Variants in CACNA2D3 observed in about 807,000 individuals in gnomAD.
The protein encoded by CACNA2D3 is voltage-dependent calcium channel subunit alpha-2/delta-3.
A neutral mutation model predicts 160.6 loss-of-function variants in CACNA2D3; 60 were observed. The observed-to-expected ratio is 0.37, with a 90% CI of 0.30 to 0.46. The LOEUF is 0.46. CACNA2D3 is among the 20% of genes least tolerant of loss of function. The pLI is 1.00. For synonymous variants in CACNA2D3, 558 were observed against 492.9 expected (o/e 1.13, Z -1.75); for missense variants, 1,205 against 1,365.0 (o/e 0.88, Z 1.85).
At chr3:54,349,714 C>G in intron 3 of CACNA2D3, among the ~76,000 whole-genome samples, 1 of 152,198 alleles carries the variant, frequency 6.6e-6, no homozygotes, top group East Asian at 1.9e-4. Context: ...GCATCCATCA[C>G]GTCTTCCCAT....
At chr3:54,976,056 TACACACACACACACAC>T (rs3841944) in intron 29 of CACNA2D3, among the ~76,000 whole-genome samples, 32,326 of 144,992 alleles carry the variant, frequency 0.22, 4,336 homozygotes, top group East Asian at 0.42. Context: ...TAGATATAGA[TACACACACACACACAC>T]ACACACACAC....
At chr3:54,370,041 G>T (rs756795023) in intron 3 of CACNA2D3, among the ~76,000 whole-genome samples, 1 of 152,118 alleles carries the variant, frequency 6.6e-6, no homozygotes, top group Admixed American at 6.5e-5. Flanking sequence ...GTATCTTCAC[G>T]TAGCATATGA....
intron 9 of CACNA2D3, among the ~76,000 whole-genome samples, chr3:54,596,906 G>T (rs1702965454): frequency 6.6e-6 from 1 of 151,934 alleles, no homozygotes; most frequent in Non-Finnish European, 1.5e-5. Flanking sequence ...CTAACAAGGG[G>T]CTCAGTGGCC....
chr3:54,302,575 G>T (rs564467976), intron 2 of CACNA2D3, among the ~76,000 whole-genome samples: 1 of 152,084 alleles, frequency 6.6e-6, no homozygotes, highest in Non-Finnish European at 1.5e-5. Flanking sequence ...GCAGCTGAGC[G>T]TGCACTCTTT....
chr3:54,600,751 G>A (rs912566277), intron 9 of CACNA2D3, among the ~76,000 whole-genome samples: 6 of 152,088 alleles, frequency 3.9e-5, no homozygotes, highest in East Asian at 1.9e-4. Context: ...AGCCTCCTGC[G>A]CTCTGGCTTC....
intron 13 of CACNA2D3, among the ~76,000 whole-genome samples, chr3:54,776,113 G>A (rs1227253580): frequency 6.6e-6 from 1 of 152,174 alleles, no homozygotes; most frequent in Non-Finnish European, 1.5e-5. Flanking sequence ...ACTCACTCTA[G>A]CCCATGGTTC....
intron 5 of CACNA2D3, among the ~76,000 whole-genome samples, chr3:54,527,129 C>A (rs1303994923): frequency 6.6e-6 from 1 of 152,210 alleles, no homozygotes; most frequent in Non-Finnish European, 1.5e-5. Flanking sequence ...TGAGATATGT[C>A]CTCCTCCCAG....
chr3:54,996,904 C>T (rs146513857), intron 31 of CACNA2D3, among the ~76,000 whole-genome samples: 472 of 152,292 alleles, frequency 3.1e-3, no homozygotes, highest in African/African-American at 0.011. Context: ...CCATCATTCT[C>T]AGCAAACTAA....
intron 11 of CACNA2D3, among the ~76,000 whole-genome samples, chr3:54,674,827 G>C (rs889126517): frequency 6.6e-6 from 1 of 152,206 alleles, no homozygotes; most frequent in Non-Finnish European, 1.5e-5. Context: ...AGGGAATGCA[G>C]TATTGACAAT....
intron 31 of CACNA2D3, among the ~76,000 whole-genome samples, chr3:54,988,875 A>G (rs1237623607): frequency 2.0e-5 from 3 of 151,982 alleles, no homozygotes; most frequent in African/African-American, 4.8e-5. Flanking sequence ...TCTCTGACAT[A>G]CTTGCTTGCT....
At chr3:54,776,475 A>C (rs1702427025) in intron 13 of CACNA2D3, among the ~76,000 whole-genome samples, 1 of 152,154 alleles carries the variant, frequency 6.6e-6, no homozygotes, top group South Asian at 2.1e-4. Context: ...TGACTGCACC[A>C]CTGCACTCTA....
rs555845914 is a variant in CACNA2D3 at position 54,819,034 on chromosome 3, C to T, written c.1398+2164C>T. 9.9e-5 allele frequency among the ~76,000 whole-genome samples: 15 copies of T among 152,216 alleles called. 1 individual carries two copies. The highest frequency in any genetic ancestry group is 6.8e-3 in the Middle Eastern group (2 of 294). On this transcript the variant is annotated intron_variant, in intron 14 of 37. Transcript: ENST00000474759. ...AAGTCTCCACCTGGTAATGTATTAG[C>T]ATCCCTGCCCCCAACTCCCCTTCCC...
chr3:54,211,332 A>G (rs1701367561), intron 2 of CACNA2D3, among the ~76,000 whole-genome samples: 1 of 152,028 alleles, frequency 6.6e-6, no homozygotes, highest in Admixed American at 6.6e-5. Flanking sequence ...AATGGTTGTT[A>G]TAATTTTAAC....
chr3:54,948,769 C>T (rs2107008792), intron 27 of CACNA2D3, among the ~76,000 whole-genome samples: 1 of 152,346 alleles, frequency 6.6e-6, no homozygotes, highest in Middle Eastern at 3.4e-3. Context: ...GATCTCTATA[C>T]ATGAAGATAA....
intron 2 of CACNA2D3, among the ~76,000 whole-genome samples, chr3:54,299,554 A>G (rs1327358300): frequency 6.6e-6 from 1 of 152,218 alleles, no homozygotes; most frequent in Non-Finnish European, 1.5e-5. Flanking sequence ...AGGAAGCGTA[A>G]TGGTAACAAG....
chr3:54,863,094 A>G (rs1699327033), intron 17 of CACNA2D3, among the ~76,000 whole-genome samples: 1 of 152,168 alleles, frequency 6.6e-6, no homozygotes, highest in Non-Finnish European at 1.5e-5. Flanking sequence ...TGGATGTTCT[A>G]ATGACACAGC....
chr3:54,786,899 A>G (rs1174084457), intron 13 of CACNA2D3, among the ~76,000 whole-genome samples: 1 of 152,190 alleles, frequency 6.6e-6, no homozygotes, highest in African/African-American at 2.4e-5. Context: ...TGTGTGAGTG[A>G]ATGAGTCCAT....
chr3:54,764,384 G>C, intron 13 of CACNA2D3, 33 bp downstream of exon 13: 4 of 1,608,312 alleles, frequency 2.5e-6, no homozygotes, highest in Non-Finnish European at 3.4e-6. Flanking sequence ...AAGAGGCTAA[G>C]CTTTACCCCC....
intron 2 of CACNA2D3, among the ~76,000 whole-genome samples, chr3:54,253,021 C>T (rs1413026732): frequency 6.6e-6 from 1 of 151,996 alleles, no homozygotes; most frequent in Non-Finnish European, 1.5e-5. Flanking sequence ...CTTCCTGAAT[C>T]ATTCGGTGCC....
Sources: allele counts gnomAD v4.1 joint callset (sites outside exome capture counted in the v4.1 genomes callset), GRCh38; gene constraint gnomAD v4.1.1; transcripts MANE v1.5; gene names NCBI Gene and HGNC (gene_info 2026-07-23, HGNC 2026-07-21).